C12orf76: variants seen among roughly 807,000 people sequenced by gnomAD.
C12orf76 encodes the protein uncharacterized protein C12orf76.
A neutral mutation model predicts 6.8 loss-of-function variants in C12orf76; 6 were observed. That is an observed-to-expected ratio of 0.88 (90% confidence interval 0.48 to 1.73). The LOEUF is 1.73. Ranked by LOEUF, C12orf76 falls within the 40% of genes most tolerant of loss-of-function variation. The probability of loss-of-function intolerance (pLI) is 0.01; values close to 1 mark genes in which losing one functional copy is unlikely to be tolerated. For missense variants in C12orf76, 99 were observed against 98.2 expected, an observed-to-expected ratio of 1.01 and a Z score of -0.03; for synonymous variants, 56 against 43.7, an observed-to-expected ratio of 1.28 and a Z score of -1.11.
chr12:110,044,095 T>TA (rs1341453281), intron 1 of C12orf76: 4 of 151,716 alleles, frequency 2.6e-5, no homozygotes, highest in African/African-American at 9.7e-5. Context: ...GCAGCAGTGA[T>TA]ACGCAATCTT....
intron 1 of C12orf76, among the ~76,000 whole-genome samples, chr12:110,043,164 G>A (rs1211331497): frequency 6.6e-6 from 1 of 152,102 alleles, no homozygotes; most frequent in Non-Finnish European, 1.5e-5. Flanking sequence ...AGGGCCTTGA[G>A]GCCAGTATAA....
upstream of C12orf76, among the ~76,000 whole-genome samples, chr12:110,053,686 G>A (rs186983878): frequency 2.2e-4 from 34 of 152,342 alleles, no homozygotes; most frequent in East Asian, 4.4e-3. Flanking sequence ...ATGTGCTGGA[G>A]TTATGGGCAA....
At chr12:110,042,646 G>C (rs554067664) in intron 1 of C12orf76, 187 bp from the exon 2 acceptor site, 2 of 700,492 alleles carry the variant, frequency 2.9e-6, no homozygotes, top group South Asian at 3.0e-5. Context: ...AAACAGATGA[G>C]AGCATTTCAC....
At chr12:110,053,050 AAT>A (rs902253827), upstream of C12orf76, among the ~76,000 whole-genome samples, 3 of 151,780 alleles carry the variant, frequency 2.0e-5, no homozygotes, top group African/African-American at 7.3e-5. Flanking sequence ...AAAATAGGAA[AAT>A]TACCTGGGCG....
At chr12:110,067,671 C>T (rs563647303) in exon 1 of C12orf76, 3 of 663,404 alleles carry the variant, frequency 4.5e-6, no homozygotes, top group East Asian at 1.4e-4. Flanking sequence ...CCACTGCACC[C>T]GGCCGGCTCA....
At chr12:110,071,780 C>G (rs945392409), upstream of C12orf76, among the ~76,000 whole-genome samples, 1 of 152,128 alleles carries the variant, frequency 6.6e-6, no homozygotes, top group African/African-American at 2.4e-5. Flanking sequence ...CACCCACAAG[C>G]ATGGCTATAA....
In C12orf76 at chr12:110,048,294, C is replaced by G. The variant is rs1239772196; in HGVS notation, c.133+69G>C. On this transcript the variant is annotated intron_variant, in intron 1 of 1. Coordinates refer to ENST00000615315, the MANE Select transcript of C12orf76 (RefSeq NM_001389625.1). The stretch of plus-strand genomic sequence containing the variant: ...ATCCCCTGTCCGCTCCGTACATGCC[C>G]GGCTCCAGCACCCGGAGCAGTGAAA... 3.5e-6 allele frequency: 5 copies of G among 1,431,782 alleles called. No individual in the cohort carries two copies. The East Asian group carries it at 1.4e-4, about 40-fold the overall frequency. 88.7% of individuals were successfully genotyped at this position (1,431,782 alleles called of 1,614,324 possible).
chr12:110,047,028 T>C (rs898640845), intron 1 of C12orf76, among the ~76,000 whole-genome samples: 9 of 152,142 alleles, frequency 5.9e-5, no homozygotes, highest in African/African-American at 2.2e-4. Context: ...GAGTGCTAGG[T>C]ACACAGTAAG....
chr12:110,065,425 C>T (rs1892842917), intron 2 of C12orf76, among the ~76,000 whole-genome samples: 1 of 152,108 alleles, frequency 6.6e-6, no homozygotes, highest in South Asian at 2.1e-4. Flanking sequence ...CCCGCCTTGG[C>T]CTCTCAAAGT....
rs1892851286 is a variant in C12orf76, at chr12:110,065,922, T to C, written n.318A>G. Reference sequence around the variant, plus strand: ...TGTGCTTCCAGATCTTTGCATTTACTGTTCTCTTGGTCCCGTGTATCACGT... The same window carrying C: ...TGTGCTTCCAGATCTTTGCATTTACCGTTCTCTTGGTCCCGTGTATCACGT... On this transcript the variant is annotated non_coding_transcript_exon_variant, in exon 2 of 5. Transcript: ENST00000309050. 3.7e-6 allele frequency: 6 copies of C among 1,613,974 alleles called. No homozygotes were observed. The South Asian group carries it at 6.6e-5, about 18-fold the overall frequency.
chr12:110,065,946 G>C lies in C12orf76; in HGVS notation n.294C>G, dbSNP rs1892851815. ...CTGTTCTCTTGGTCCCGTGTATCACGTGGCTGGATTCTTCTCCTTCTATGG... is the reference window on the plus strand; with the variant it reads ...CTGTTCTCTTGGTCCCGTGTATCACCTGGCTGGATTCTTCTCCTTCTATGG... On this transcript the variant is annotated non_coding_transcript_exon_variant, in exon 2 of 5. Transcript: ENST00000309050. The C allele has an allele frequency of 3.7e-6, 6 of 1,613,608 alleles. No homozygotes were observed. The African/African-American group carries it at 8.0e-5, about 22-fold the overall frequency.
intron 2 of C12orf76, among the ~76,000 whole-genome samples, chr12:110,062,887 C>T (rs538896044): frequency 6.6e-6 from 1 of 150,382 alleles, no homozygotes; most frequent in Non-Finnish European, 1.5e-5. Flanking sequence ...AAGCAATCCT[C>T]CCATCTCAGC....
intron 1 of C12orf76, among the ~76,000 whole-genome samples, chr12:110,046,975 T>C (rs1490000241): frequency 6.6e-6 from 1 of 152,160 alleles, no homozygotes; most frequent in Non-Finnish European, 1.5e-5. Context: ...AGAAACCCTG[T>C]TCTGAAGGAT....
At chr12:110,051,322 T>C (rs1002717160), upstream of C12orf76, 3 of 697,706 alleles carry the variant, frequency 4.3e-6, no homozygotes, top group Non-Finnish European at 7.9e-6. Context: ...AGCATAATCA[T>C]ACCTGCCTCA....
At chr12:110,063,051 T>C (rs1033006429) in intron 2 of C12orf76, among the ~76,000 whole-genome samples, 13 of 151,600 alleles carry the variant, frequency 8.6e-5, no homozygotes, top group Admixed American at 6.6e-4. Flanking sequence ...GTGATTCTCC[T>C]GCCTCAGGCG....
intron 1 of C12orf76, among the ~76,000 whole-genome samples, chr12:110,047,952 G>A (rs1311521904): frequency 6.6e-6 from 1 of 152,082 alleles, no homozygotes; most frequent in South Asian, 2.1e-4. Context: ...GTTCATTCAT[G>A]GGCAAGCAGT....
intron 1 of C12orf76, among the ~76,000 whole-genome samples, chr12:110,066,367 TAAAAAAAAAAAAAAAAAAAAAA>T (rs71079598): frequency 2.6e-4 from 4 of 15,334 alleles, no homozygotes; most frequent in South Asian, 2.9e-3. Context: ...AGACTCCATC[TAAAAAAAAAAAAAAAAAAAAAA>T]AAAAAAAAAA....
At chr12:110,048,628 T>G, upstream of C12orf76, 1 of 1,297,192 alleles carries the variant, frequency 7.7e-7, no homozygotes, top group Non-Finnish European at 9.8e-7. Context: ...TGCGTCCTGG[T>G]CTAAGTTCCG....
intron 1 of C12orf76, among the ~76,000 whole-genome samples, chr12:110,042,938 A>G (rs1593241589): frequency 6.6e-6 from 1 of 152,050 alleles, no homozygotes; most frequent in East Asian, 1.9e-4. Flanking sequence ...TCCGCCAGCT[A>G]CTCAGGAGGC....
Sources: allele counts gnomAD v4.1 joint callset (sites outside exome capture counted in the v4.1 genomes callset), GRCh38; gene constraint gnomAD v4.1.1; transcripts MANE v1.5; gene names NCBI Gene and HGNC (gene_info 2026-07-23, HGNC 2026-07-21).